The following ARHGAP20 variants were observed in gnomAD, a reference collection of about 807,000 sequenced individuals.
The protein encoded by ARHGAP20 is rho GTPase-activating protein 20.
A neutral mutation model predicts 73.7 loss-of-function variants in ARHGAP20; 34 were observed. The observed-to-expected ratio is 0.46, with a 90% CI of 0.35 to 0.61. The LOEUF (loss-of-function observed/expected upper bound fraction) is 0.61. Among genes scored for constraint, ARHGAP20 ranks in the 20% least tolerant of loss-of-function variants. The pLI is 0.00. For synonymous variants in ARHGAP20, 523 were observed against 518.2 expected (o/e 1.01, Z -0.13); for missense variants, 1,314 against 1,420.9 (o/e 0.92, Z 1.21).
At chr11:110,648,225 A>T (rs954895320) in intron 2 of ARHGAP20, among the ~76,000 whole-genome samples, 3 of 95,702 alleles carry the variant, frequency 3.1e-5, no homozygotes, top group African/African-American at 9.0e-5. Flanking sequence ...ATATATGTAT[A>T]TATATATATA....
chr11:110,582,574 A>G, intron 13 of ARHGAP20, 139 bp from the exon 14 acceptor site: 1 of 596,102 alleles, frequency 1.7e-6, no homozygotes. Flanking sequence ...AGTACATTAA[A>G]CAGTTTCCCT....
chr11:110,591,856 A>G, intron 10 of ARHGAP20, 121 bp downstream of exon 10: 1 of 1,023,876 alleles, frequency 9.8e-7, no homozygotes, highest in South Asian at 1.9e-5. Context: ...ATAATAGTGA[A>G]GATTCTTAGC....
rs1193657564 is a variant in ARHGAP20, at chr11:110,580,564, A to C, written c.2382T>G (p.Pro794=). 6.2e-7 allele frequency: 1 copy of C among 1,614,232 alleles called. No individual in the cohort carries two copies. Among genetic ancestry groups the C allele is most frequent in the Non-Finnish European group, 8.5e-7 (1 of 1,180,048 alleles). Residue 794 remains proline, a synonymous_variant, in exon 15 of 15, where the codon CCT becomes CCG. Coordinates refer to ENST00000683387, the MANE Select transcript of ARHGAP20 (RefSeq NM_001384657.1). ...GSEGNHVKLF[P]KSKPVAISVA... ...CAGAAATGGCCACTGGCTTAGACTT[A>C]GGGAAAAGTTTCACGTGATTTCCTT...
At position 110,648,207 on chromosome 11, in the gene ARHGAP20, GTAAATATATATATGTA is replaced by G. The variant is rs1565457424; in HGVS notation, c.189-17431_189-17416del. 2.0e-3 allele frequency among the ~76,000 whole-genome samples: 125 copies of G among 62,858 alleles called. 1 individual carries two copies. Among genetic ancestry groups the G allele is most frequent in the African/African-American group, 0.01 (120 of 11,484 alleles). 41.2% of individuals were successfully genotyped at this position (62,858 alleles called of 152,430 possible). A position where few individuals can be genotyped will look rare whatever the true frequency, so the allele number is the denominator to read the frequency against. On this transcript the variant is annotated intron_variant, in intron 2 of 14. Transcript: ENST00000683387. ...TATATATGTAAATATATATATATAT[GTAAATATATATATGTA>G]TATATATATATATGTAAATATATAT...
intron 6 of ARHGAP20, 22 bp downstream of exon 6, chr11:110,614,539 T>G (rs1246240272): frequency 1.3e-6 from 2 of 1,595,548 alleles, no homozygotes; most frequent in African/African-American, 2.7e-5. Context: ...GGAATTTAAT[T>G]TTCTGGCTTA....
intron 2 of ARHGAP20, among the ~76,000 whole-genome samples, chr11:110,652,615 A>G (rs530967767): frequency 6.6e-6 from 1 of 152,314 alleles, no homozygotes; most frequent in Admixed American, 6.5e-5. Flanking sequence ...GAGCCAAATC[A>G]TGAATGAACT....
intron 9 of ARHGAP20, among the ~76,000 whole-genome samples, chr11:110,602,775 G>C (rs1948140228): frequency 6.6e-6 from 1 of 152,160 alleles, no homozygotes; most frequent in Non-Finnish European, 1.5e-5. Flanking sequence ...TCTTGATGAG[G>C]TGAAAAATGT....
At chr11:110,679,799 A>C (rs1950003445) in intron 2 of ARHGAP20, among the ~76,000 whole-genome samples, 1 of 152,178 alleles carries the variant, frequency 6.6e-6, no homozygotes, top group African/African-American at 2.4e-5. Flanking sequence ...TTCTCATCAT[A>C]CTCAGAACTA....
rs955426082 is a variant in ARHGAP20 at position 110,591,871 on chromosome 11, G to C, written c.1143+106C>G. ...ATAATAGTGAAGATTCTTAGCCAAA[G>C]ACAGTGGTGTCTATAATTTTTCCAT... On this transcript the variant is annotated intron_variant, in intron 10 of 14. Coordinates refer to ENST00000683387, the MANE Select transcript of ARHGAP20 (RefSeq NM_001384657.1). 8.6e-5 allele frequency: 101 copies of C among 1,176,746 alleles called. 1 individual carries two copies. In the Admixed American group the frequency reaches 1.6e-3, roughly 18 times the overall value. 72.9% of individuals were successfully genotyped at this position (1,176,746 alleles called of 1,614,324 possible).
intron 12 of ARHGAP20, among the ~76,000 whole-genome samples, chr11:110,584,976 T>TGA (rs1228004250): frequency 6.7e-6 from 1 of 149,044 alleles, no homozygotes; most frequent in African/African-American, 2.4e-5. Context: ...TATATGAATA[T>TGA]ATATGTGAAA....
rs565653479 is a variant in ARHGAP20, at chr11:110,599,016, C to T, written c.965-6861G>A. ...CACCTGTCCAAGTCATGGCTATAGA[C>T]CAGACCTCCCTGTGCTCTTGTGTGG... On this transcript the variant is annotated intron_variant, in intron 9 of 14. Transcript: ENST00000683387. 7.3e-5 allele frequency among the ~76,000 whole-genome samples: 11 copies of T among 151,188 alleles called. 1 individual carries two copies. In the South Asian group the frequency reaches 2.3e-3, roughly 32 times the overall value.
intron 2 of ARHGAP20, among the ~76,000 whole-genome samples, chr11:110,641,481 A>C (rs1238723040): frequency 1.3e-5 from 2 of 152,072 alleles, no homozygotes; most frequent in African/African-American, 4.8e-5. Flanking sequence ...AAAGACTTTA[A>C]AAGGAAACAA....
intron 10 of ARHGAP20, 120 bp downstream of exon 10, chr11:110,591,857 G>T: frequency 9.6e-7 from 1 of 1,043,240 alleles, no homozygotes; most frequent in Non-Finnish European, 1.4e-6. Context: ...TAATAGTGAA[G>T]ATTCTTAGCC....
At chr11:110,589,305 T>G (rs1466195013) in intron 11 of ARHGAP20, 1 of 724,844 alleles carries the variant, frequency 1.4e-6, no homozygotes, top group African/African-American at 1.9e-5. Context: ...ACCCTCCAGT[T>G]CTCTTGCATG....
chr11:110,606,267 T>C (rs773463236), intron 9 of ARHGAP20, among the ~76,000 whole-genome samples: 8 of 152,176 alleles, frequency 5.3e-5, no homozygotes, highest in Non-Finnish European at 8.8e-5. Flanking sequence ...AAAGAAGGCA[T>C]TGAAGCACCT....
intron 4 of ARHGAP20, among the ~76,000 whole-genome samples, chr11:110,622,849 G>C (rs1451241470): frequency 6.6e-6 from 1 of 152,050 alleles, no homozygotes; most frequent in Non-Finnish European, 1.5e-5. Context: ...GACATCACTG[G>C]TGATATTAAC....
intron 9 of ARHGAP20, among the ~76,000 whole-genome samples, chr11:110,602,607 A>C (rs1262409202): frequency 6.6e-6 from 1 of 152,238 alleles, no homozygotes; most frequent in Non-Finnish European, 1.5e-5. Flanking sequence ...TGGTGAACTG[A>C]TTAAATCTGT....
intron 6 of ARHGAP20, 92 bp downstream of exon 6, chr11:110,614,469 C>T (rs1473020975): frequency 4.3e-6 from 5 of 1,150,718 alleles, no homozygotes; most frequent in Non-Finnish European, 5.1e-6. Flanking sequence ...CACAGTTAGC[C>T]TGCCTGCCTG....
At position 110,592,169 on chromosome 11, in the gene ARHGAP20, G is replaced by A. The variant is rs1329638410; in HGVS notation, c.965-14C>T. On this transcript the variant is annotated splice_polypyrimidine_tract_variant and intron_variant, in intron 9 of 14. Coordinates refer to ENST00000683387, the MANE Select transcript of ARHGAP20 (RefSeq NM_001384657.1). ...TATGACCTGAATCTAAGGAAGAAGTGAGCTTATTAGAAAAATGAGTTTCAT... is the reference window on the plus strand; with the variant it reads ...TATGACCTGAATCTAAGGAAGAAGTAAGCTTATTAGAAAAATGAGTTTCAT... The A allele has an allele frequency of 1.3e-6, 2 of 1,597,758 alleles. No individual in the cohort carries two copies. Among genetic ancestry groups the A allele is most frequent in the Non-Finnish European group, 1.7e-6 (2 of 1,169,374 alleles).
Sources: allele counts gnomAD v4.1 joint callset (sites outside exome capture counted in the v4.1 genomes callset), GRCh38; gene constraint gnomAD v4.1.1; transcripts MANE v1.5; gene names NCBI Gene and HGNC (gene_info 2026-07-23, HGNC 2026-07-21).